DOCK10: variants seen among roughly 807,000 people sequenced by gnomAD.
DOCK10 encodes dedicator of cytokinesis protein 10.
A neutral mutation model predicts 280.1 loss-of-function variants in DOCK10; 145 were observed. The observed-to-expected ratio is 0.52, with a 90% confidence interval of 0.45 to 0.59. The LOEUF is 0.59. Ranked by LOEUF, DOCK10 falls within the 20% of genes least tolerant of loss-of-function variation. DOCK10 has a pLI of 0.00. For missense variants in DOCK10, 2,368 were observed against 2,651.7 expected, an observed-to-expected ratio of 0.89 and a Z score of 2.35; for synonymous variants, 915 against 942.2, an observed-to-expected ratio of 0.97 and a Z score of 0.53.
At chr2:224,952,149 AAGTCCCTTCAC>A (rs1247775330) in intron 1 of DOCK10, among the ~76,000 whole-genome samples, 2 of 152,236 alleles carry the variant, frequency 1.3e-5, no homozygotes, top group African/African-American at 4.8e-5. Context: ...TATGACTGCA[AAGTCCCTTCAC>A]AGCTGTACGA....
chr2:224,930,268 C>T (rs55997919), intron 2 of DOCK10, among the ~76,000 whole-genome samples: 1 of 149,988 alleles, frequency 6.7e-6, no homozygotes, highest in Non-Finnish European at 1.5e-5. Flanking sequence ...TCAGGTTAAT[C>T]TTCAGTCTGA....
chr2:224,948,898 A>G (rs932680898), intron 1 of DOCK10, among the ~76,000 whole-genome samples: 2 of 152,186 alleles, frequency 1.3e-5, no homozygotes, highest in Non-Finnish European at 2.9e-5. Flanking sequence ...TAATATTTGC[A>G]TCTATTTTGT....
intron 11 of DOCK10, 150 bp downstream of exon 11, chr2:224,873,846 G>A: frequency 1.3e-6 from 1 of 748,818 alleles, no homozygotes; most frequent in Non-Finnish European, 2.1e-6. Context: ...GTACACTTGT[G>A]TAATGTGGGA....
At chr2:224,850,139 T>TCTTTA (rs1696638380) in intron 18 of DOCK10, among the ~76,000 whole-genome samples, 2 of 152,198 alleles carry the variant, frequency 1.3e-5, no homozygotes, top group Non-Finnish European at 2.9e-5. Flanking sequence ...GAAATCTTCA[T>TCTTTA]GAATATAAAG....
chr2:224,865,855 T>TCACACA (rs375471540), intron 11 of DOCK10, among the ~76,000 whole-genome samples: 107 of 148,544 alleles, frequency 7.2e-4, no homozygotes, highest in African/African-American at 2.7e-3. Context: ...TCTCTCTCTC[T>TCACACA]CACACACACA....
intron 25 of DOCK10, among the ~76,000 whole-genome samples, chr2:224,834,636 C>T (rs900657226): frequency 6.6e-6 from 1 of 152,176 alleles, no homozygotes; most frequent in Non-Finnish European, 1.5e-5. Context: ...AAGGGTAGAG[C>T]ACCCACTCAA....
intron 45 of DOCK10, among the ~76,000 whole-genome samples, chr2:224,794,088 T>C (rs1692388324): frequency 1.3e-5 from 2 of 152,254 alleles, no homozygotes; most frequent in Admixed American, 6.5e-5. Flanking sequence ...TGAGGTTTTA[T>C]GGAGAAATTT....
intron 1 of DOCK10, among the ~76,000 whole-genome samples, chr2:224,986,860 C>T (rs888080310): frequency 1.3e-5 from 2 of 152,138 alleles, no homozygotes; most frequent in African/African-American, 4.8e-5. Context: ...AGGACCTTGC[C>T]TGGGAAAACC....
intron 47 of DOCK10, among the ~76,000 whole-genome samples, chr2:224,789,385 T>A (rs955086801): frequency 6.6e-6 from 1 of 152,184 alleles, no homozygotes; most frequent in Non-Finnish European, 1.5e-5. Context: ...TGGCATTTTT[T>A]ATAAAGAAAT....
chr2:224,845,922 C>T (rs554104280), intron 19 of DOCK10, among the ~76,000 whole-genome samples: 2 of 152,110 alleles, frequency 1.3e-5, no homozygotes, highest in East Asian at 3.9e-4. Context: ...CGGGGTTTCA[C>T]CATGTTGGCC....
rs1692887772 is a variant in DOCK10, at chr2:224,800,215, T to C, written c.4442A>G (p.Asn1481Ser). 1 of 1,612,324 alleles carries C rather than the reference T, an allele frequency of 6.2e-7. No homozygotes were observed. Among genetic ancestry groups the C allele is most frequent in the African/African-American group, 1.3e-5 (1 of 74,880 alleles). ...DIVHHVDTEANIATEVCLTIL... is the reference protein window; with the variant it reads ...DIVHHVDTEASIATEVCLTIL... ...AGTGAGGCAAACCTCCGTAGCTATA[T>C]TGGCCTCAGTGTCTACATGATGCAC... Residue 1481 changes from asparagine (N) to serine (S), a missense_variant, in exon 41 of 56, where the codon AAT (asparagine) becomes AGT (serine). Physicochemically the swap from Asn to Ser is conservative, Grantham distance 46. This residue lies in a region of DOCK10 where 1,159 missense variants were observed against 1,400.8 expected (regional missense o/e 0.83). Transcript: ENST00000258390.
chr2:224,787,555 A>C (rs1174053883), intron 48 of DOCK10, among the ~76,000 whole-genome samples, 158 bp from the exon 49 acceptor site: 2 of 152,158 alleles, frequency 1.3e-5, no homozygotes, highest in African/African-American at 4.8e-5. Context: ...ATTCTTGCCT[A>C]TCCCGCACTG....
At position 224,864,957 on chromosome 2, in the gene DOCK10, T is replaced by C. The variant is rs1697793299; in HGVS notation, c.1388A>G (p.Glu463Gly). Residue 463 changes from glutamate to glycine, a missense_variant, in exon 12 of 56, where the codon GAA becomes GGA. Around this residue, in one of 2 missense-constraint regions of DOCK10, gnomAD observed 1,209 missense variants for 1,250.9 expected, o/e 0.97. Coordinates refer to ENST00000258390, the MANE Select transcript of DOCK10 (RefSeq NM_014689.3). The stretch of plus-strand genomic sequence containing the variant: ...AGTGATGGTGTCGATGTTGCCATTT[T>C]CCAAAGCCACAGAAGCCCCCAAGAG... The part of the protein sequence containing the change: ...QMLLGASVAL[E>G]NGNIDTITPR... 1 of 1,613,866 alleles carries C rather than the reference T, an allele frequency of 6.2e-7. No individual in the cohort carries two copies. Among genetic ancestry groups the C allele is most frequent in the Admixed American group, 1.7e-5 (1 of 60,002 alleles).
chr2:225,028,243 C>T (rs281539), intron 1 of DOCK10, among the ~76,000 whole-genome samples: 112,166 of 151,954 alleles, frequency 0.74, 42,276 homozygotes, highest in Middle Eastern at 0.88. Flanking sequence ...GTCCGAGGGG[C>T]GCAACATGTG....
intron 18 of DOCK10, among the ~76,000 whole-genome samples, chr2:224,851,006 T>C (rs1696693159): frequency 6.6e-6 from 1 of 152,184 alleles, no homozygotes; most frequent in Non-Finnish European, 1.5e-5. Flanking sequence ...AGTTAAGGTC[T>C]TGTGCAACCA....
intron 39 of DOCK10, among the ~76,000 whole-genome samples, chr2:224,802,777 T>C (rs1693105150): frequency 6.6e-6 from 1 of 152,190 alleles, no homozygotes; most frequent in African/African-American, 2.4e-5. Flanking sequence ...AAACTATTTA[T>C]AACAACACTT....
At chr2:224,852,036 C>T (rs771170707) in intron 18 of DOCK10, among the ~76,000 whole-genome samples, 1 of 152,086 alleles carries the variant, frequency 6.6e-6, no homozygotes, top group Non-Finnish European at 1.5e-5. Flanking sequence ...ATACGAGGGC[C>T]GGCTGGGGTG....
At chr2:224,883,257 C>T (rs1026087101) in intron 7 of DOCK10, among the ~76,000 whole-genome samples, 9 of 152,148 alleles carry the variant, frequency 5.9e-5, no homozygotes, top group African/African-American at 1.7e-4. Flanking sequence ...GAGCAAGTAG[C>T]GATGCCCCTC....
chr2:224,837,664 A>T, intron 25 of DOCK10, 98 bp downstream of exon 25: 1 of 951,886 alleles, frequency 1.1e-6, no homozygotes, highest in Non-Finnish European at 1.7e-6. Context: ...GGCGCCACTC[A>T]GTTAAAGGGA....
Sources: gnomAD v4.1 joint callset for allele counts (sites outside exome capture counted in the v4.1 genomes callset) on GRCh38, gnomAD v4.1.1 for gene constraint, gnomAD v4.1.1 regional missense constraint, MANE v1.5 for transcripts, NCBI Gene and HGNC (gene_info 2026-07-23, HGNC 2026-07-21) for gene names.